The following BZW2 variants were observed in gnomAD, a reference collection of about 807,000 sequenced individuals.
The protein encoded by BZW2 is basic leucine zipper and W2 domains 2.
In BZW2, 23 loss-of-function variants were observed where a neutral mutation model predicts 53.2. The observed-to-expected ratio is 0.43, with a 90% CI of 0.31 to 0.61. BZW2 has a LOEUF of 0.61. Ranked by LOEUF, BZW2 falls within the 20% of genes least tolerant of loss-of-function variation. BZW2 has a pLI of 0.09. For missense variants in BZW2, 409 were observed against 503.1 expected, an observed-to-expected ratio of 0.81 and a Z score of 1.79; for synonymous variants, 227 against 186.4, an observed-to-expected ratio of 1.22 and a Z score of -1.77.
chr7:16,662,674 C>T (rs62440995), intron 1 of BZW2, among the ~76,000 whole-genome samples: 36,440 of 151,914 alleles, frequency 0.24, 5,127 homozygotes, highest in Non-Finnish European at 0.31. Flanking sequence ...CCTAGTTACT[C>T]AAGAGGCTGA....
intron 1 of BZW2, among the ~76,000 whole-genome samples, chr7:16,662,593 A>G (rs1014054276): frequency 1.3e-5 from 2 of 152,150 alleles, no homozygotes; most frequent in Non-Finnish European, 2.9e-5. Context: ...GGAAGGACTC[A>G]CACTTTAGAA....
chr7:16,668,255 AGCGAGTAAACTG>A (rs1245518349), intron 2 of BZW2, among the ~76,000 whole-genome samples: 1 of 152,210 alleles, frequency 6.6e-6, no homozygotes, highest in Admixed American at 6.5e-5. Flanking sequence ...GACGTGAGTC[AGCGAGTAAACTG>A]GCCCTTACGT....
intron 4 of BZW2, among the ~76,000 whole-genome samples, chr7:16,682,306 G>A (rs1043500813): frequency 6.6e-6 from 1 of 152,128 alleles, no homozygotes; most frequent in Non-Finnish European, 1.5e-5. Flanking sequence ...AGTTCTAACA[G>A]GACTGTAGGG....
intron 8 of BZW2, chr7:16,696,198 T>A (rs1331739387): frequency 6.6e-6 from 1 of 152,210 alleles, no homozygotes; most frequent in Non-Finnish European, 1.5e-5. Flanking sequence ...TACGATGACT[T>A]TCAATCACTT....
chr7:16,660,315 T>C (rs528576279), intron 1 of BZW2, among the ~76,000 whole-genome samples: 5 of 151,846 alleles, frequency 3.3e-5, no homozygotes, highest in South Asian at 2.1e-4. Context: ...TGGGAGGATC[T>C]TTTGAGCCCA....
intron 1 of BZW2, among the ~76,000 whole-genome samples, chr7:16,660,075 A>T (rs1782214826): frequency 6.6e-6 from 1 of 151,150 alleles, no homozygotes; most frequent in Non-Finnish European, 1.5e-5. Context: ...GAGTGAGAAC[A>T]TGCGGTGTTT....
chr7:16,669,322 T>A (rs199737395), intron 2 of BZW2, among the ~76,000 whole-genome samples: 2 of 152,142 alleles, frequency 1.3e-5, no homozygotes, highest in East Asian at 3.9e-4. Flanking sequence ...ACCTGAAGTT[T>A]CATCATGTTG....
intron 7 of BZW2, among the ~76,000 whole-genome samples, chr7:16,690,941 G>T (rs1002986433): frequency 1.3e-5 from 2 of 152,182 alleles, no homozygotes; most frequent in African/African-American, 4.8e-5. Flanking sequence ...CACCTGGCCT[G>T]TTCTCTGTTG....
rs571464904 is a variant in BZW2 at position 16,704,528 on chromosome 7, C to G, written c.1109-19C>G. The stretch of plus-strand genomic sequence containing the variant: ...GACATTTGTATAGTAACTTTGAAAT[C>G]TTTGATTTAAAATTGCAGCTGATGT... On this transcript the variant is annotated intron_variant, in intron 10 of 11. Coordinates refer to ENST00000258761, the MANE Select transcript of BZW2 (RefSeq NM_014038.3). 2.1e-4 allele frequency: 311 copies of G among 1,504,426 alleles called. 1 individual carries two copies. The South Asian group carries it at 3.9e-3, about 19-fold the overall frequency. 93.2% of individuals were successfully genotyped at this position (1,504,426 alleles called of 1,614,324 possible). A position where few individuals can be genotyped will look rare whatever the true frequency, so the allele number is the denominator to read the frequency against.
chr7:16,649,783 T>C (rs1163797925), intron 1 of BZW2, among the ~76,000 whole-genome samples: 1 of 152,180 alleles, frequency 6.6e-6, no homozygotes, highest in African/African-American at 2.4e-5. Flanking sequence ...ATTTCAGAAC[T>C]GGATGAGAAG....
intron 8 of BZW2, 95 bp downstream of exon 8, chr7:16,695,099 A>G (rs781006816): frequency 4.0e-5 from 48 of 1,191,596 alleles, no homozygotes; most frequent in Non-Finnish European, 5.1e-5. Context: ...AGTCTGTCCT[A>G]TGCTTATTGC....
chr7:16,682,180 A>G (rs1782966321), intron 4 of BZW2, among the ~76,000 whole-genome samples: 2 of 152,204 alleles, frequency 1.3e-5, no homozygotes, highest in South Asian at 4.1e-4. Flanking sequence ...TTAAGAAATC[A>G]TTTCCACAGT....
At chr7:16,653,866 G>A (rs928744056) in intron 1 of BZW2, among the ~76,000 whole-genome samples, 5 of 152,100 alleles carry the variant, frequency 3.3e-5, no homozygotes, top group Non-Finnish European at 7.4e-5. Flanking sequence ...CTTCTGTACT[G>A]TGTTGGGGTT....
At chr7:16,656,150 T>TATATATATATATATATAC (rs143994492) in intron 1 of BZW2, among the ~76,000 whole-genome samples, 163 of 150,254 alleles carry the variant, frequency 1.1e-3, no homozygotes, top group African/African-American at 3.7e-3. Context: ...TATATATATA[T>TATATATATATATATATAC]ACATAAATAT....
At chr7:16,700,639 G>T (rs1030677719) in intron 10 of BZW2, 1 of 152,116 alleles carries the variant, frequency 6.6e-6, no homozygotes, top group Admixed American at 6.6e-5. Context: ...TCTGACTGTT[G>T]TACCAGGACC....
rs116540367 is a variant in BZW2 at position 16,671,593 on chromosome 7, G to A, written c.59-2819G>A. On this transcript the variant is annotated intron_variant, in intron 2 of 11. Transcript: ENST00000258761. The stretch of plus-strand genomic sequence containing the variant: ...TTATTATCCATTTTTGAGGCCTTGG[G>A]TGTTTCAGTATATGTATGTTCGTAT... 4.2e-3 allele frequency among the ~76,000 whole-genome samples: 642 copies of A among 152,128 alleles called. 7 individuals are homozygous for A. The highest frequency in any genetic ancestry group is 0.014 in the African/African-American group (596 of 41,484).
chr7:16,692,999 G>T (rs977796270), intron 7 of BZW2, among the ~76,000 whole-genome samples: 2 of 152,208 alleles, frequency 1.3e-5, no homozygotes, highest in Non-Finnish European at 2.9e-5. Flanking sequence ...GAGCAGGTGA[G>T]AGCAAAAGTG....
Position 16,698,166 on chromosome 7 carries a change from T to C in BZW2, c.1088T>C (p.Ile363Thr). The C allele has an allele frequency of 6.2e-7, 1 of 1,614,188 alleles. No individual in the cohort carries two copies. The highest frequency in any genetic ancestry group is 1.1e-5 in the South Asian group (1 of 91,086). Residue 363 changes from isoleucine to threonine, a missense_variant, in exon 10 of 12, where the codon ATT becomes ACT. Ile to Thr is a moderately conservative substitution (Grantham distance 89, BLOSUM62 -1). Coordinates refer to ENST00000258761, the MANE Select transcript of BZW2 (RefSeq NM_014038.3). ...NIHFMKAFQK[I>T]VVLFYKADVL... The stretch of plus-strand genomic sequence containing the variant: ...CATTTCATGAAAGCCTTTCAGAAGA[T>C]TGTGGTTCTCTTTTATAAAGGTATC...
Position 16,704,637 on chromosome 7 carries a change from A to C in BZW2, c.1199A>C (p.Lys400Thr). Reference sequence around the variant, plus strand: ...AGTGTTTTTCTTGACCAGATGAAGAAATTTGTTGAGTGGTTACAAAATGCA... The same window carrying C: ...AGTGTTTTTCTTGACCAGATGAAGACATTTGTTGAGTGGTTACAAAATGCA... ...GKSVFLDQMK[K>T]FVEWLQNAEE... is the part of the protein sequence containing the mutation. Residue 400 changes from lysine to threonine, a missense_variant, in exon 11 of 12, where the codon AAA becomes ACA. Transcript: ENST00000258761. 6.3e-7 allele frequency: 1 copy of C among 1,592,038 alleles called. No homozygotes were observed. Among genetic ancestry groups the C allele is most frequent in the Non-Finnish European group, 8.6e-7 (1 of 1,163,340 alleles).
Sources: gnomAD v4.1 joint callset for allele counts (sites outside exome capture counted in the v4.1 genomes callset) on GRCh38, gnomAD v4.1.1 for gene constraint, MANE v1.5 for transcripts, NCBI Gene and HGNC (gene_info 2026-07-23, HGNC 2026-07-21) for gene names.